The following SLC9B1 variants were observed in gnomAD, a reference collection of about 807,000 sequenced individuals.
SLC9B1 encodes sodium/hydrogen exchanger 9B1.
A neutral mutation model predicts 51.7 loss-of-function variants in SLC9B1; 32 were observed. The ratio of observed to expected loss-of-function variants is 0.62; its 90% CI spans 0.47 to 0.83. SLC9B1 has a LOEUF of 0.83. SLC9B1 is among the 40% of genes least tolerant of loss of function. The probability of loss-of-function intolerance (pLI) is 0.00; values close to 1 mark genes in which losing one functional copy is unlikely to be tolerated. For missense variants in SLC9B1, 406 were observed against 613.2 expected (o/e 0.66, Z 3.57); for synonymous variants, 145 against 212.7 (o/e 0.68, Z 2.77).
At chr4:102,913,853 A>ACAG (rs1735464195) in intron 7 of SLC9B1, among the ~76,000 whole-genome samples, 1 of 151,634 alleles carries the variant, frequency 6.6e-6, no homozygotes, top group African/African-American at 2.4e-5. Flanking sequence ...AAGGAATACA[A>ACAG]CAGCTCAATT....
At chr4:102,983,877 CT>C (rs1412447782) in intron 3 of SLC9B1, among the ~76,000 whole-genome samples, 2 of 151,710 alleles carry the variant, frequency 1.3e-5, no homozygotes, top group African/African-American at 2.4e-5. Context: ...TTTAATTGTA[CT>C]GATATCTACT....
intron 3 of SLC9B1, among the ~76,000 whole-genome samples, chr4:102,982,056 CGAGGTAA>C (rs1253070058): frequency 6.6e-6 from 1 of 150,958 alleles, no homozygotes; most frequent in Non-Finnish European, 1.5e-5. Flanking sequence ...TGATATGTTT[CGAGGTAA>C]TTTTGTGGAA....
At chr4:102,906,717 C>T (rs1735075049) in intron 9 of SLC9B1, 73 bp from the exon 10 acceptor site, 1 of 921,506 alleles carries the variant, frequency 1.1e-6, no homozygotes, top group Admixed American at 2.6e-5. Flanking sequence ...AGTCTTCCCC[C>T]CCCTTTTTTT....
chr4:102,986,277 A>G (rs1739620443), intron 3 of SLC9B1, among the ~76,000 whole-genome samples: 1 of 149,764 alleles, frequency 6.7e-6, no homozygotes, highest in Admixed American at 6.6e-5. Context: ...TCTCTCTCTC[A>G]ACATTTTAAA....
intron 3 of SLC9B1, among the ~76,000 whole-genome samples, chr4:102,957,053 C>T (rs907466851): frequency 3.9e-5 from 6 of 152,036 alleles, no homozygotes; most frequent in Non-Finnish European, 2.9e-5. Context: ...TAGCGAGGTT[C>T]AGTAGCATAT....
At chr4:102,997,406 T>C (rs550638710) in intron 1 of SLC9B1, among the ~76,000 whole-genome samples, 2 of 152,314 alleles carry the variant, frequency 1.3e-5, no homozygotes, top group Admixed American at 6.5e-5. Flanking sequence ...ATTAGGCTTA[T>C]TTTTAGGTAT....
At chr4:102,911,131 A>C (rs764910829) in intron 8 of SLC9B1, among the ~76,000 whole-genome samples, 22 of 152,184 alleles carry the variant, frequency 1.4e-4, no homozygotes, top group Non-Finnish European at 2.6e-4. Context: ...ATTTGGGGGA[A>C]ATTATCAAAC....
chr4:102,983,461 T>C (rs1739460254), intron 3 of SLC9B1, among the ~76,000 whole-genome samples: 1 of 152,166 alleles, frequency 6.6e-6, no homozygotes, highest in African/African-American at 2.4e-5. Context: ...CTGAGAAAAT[T>C]GTATAATTTC....
At chr4:102,959,873 T>C (rs535660774) in intron 3 of SLC9B1, among the ~76,000 whole-genome samples, 3 of 152,236 alleles carry the variant, frequency 2.0e-5, no homozygotes, top group African/African-American at 7.2e-5. Flanking sequence ...ACAAAAACAA[T>C]TGGGTATTAA....
intron 7 of SLC9B1, among the ~76,000 whole-genome samples, chr4:102,912,686 G>A (rs1735394823): frequency 6.6e-6 from 1 of 152,106 alleles, no homozygotes; most frequent in African/African-American, 2.4e-5. Context: ...TTTGAGACCA[G>A]CTTGGGCAAC....
At chr4:102,960,924 G>T (rs1203710944) in intron 3 of SLC9B1, among the ~76,000 whole-genome samples, 1 of 151,656 alleles carries the variant, frequency 6.6e-6, no homozygotes, top group East Asian at 1.9e-4. Flanking sequence ...TAGAGACAGG[G>T]TTTCTCCATG....
At chr4:102,923,310 A>G (rs1164382542) in intron 7 of SLC9B1, among the ~76,000 whole-genome samples, 1 of 152,176 alleles carries the variant, frequency 6.6e-6, no homozygotes, top group Admixed American at 6.5e-5. Context: ...AAAGACAAAA[A>G]CCACATGATT....
At chr4:102,916,732 A>C (rs1735595159) in intron 7 of SLC9B1, among the ~76,000 whole-genome samples, 1 of 152,282 alleles carries the variant, frequency 6.6e-6, no homozygotes. Flanking sequence ...CATACCAAGT[A>C]TCTTTTCTGA....
intron 3 of SLC9B1, among the ~76,000 whole-genome samples, chr4:102,972,273 A>T (rs566576531): frequency 1.3e-5 from 2 of 152,342 alleles, no homozygotes; most frequent in African/African-American, 2.4e-5. Flanking sequence ...CCAGCAGCAC[A>T]TCAAAGAGCT....
chr4:102,906,434 G>T, intron 10 of SLC9B1, 102 bp downstream of exon 10: 4 of 609,248 alleles, frequency 6.6e-6, no homozygotes, highest in Non-Finnish European at 1.1e-5. Context: ...TTCTGAAGAA[G>T]GTCGTTGTAG....
At chr4:102,970,565 A>G (rs563779248) in intron 3 of SLC9B1, among the ~76,000 whole-genome samples, 1 of 152,350 alleles carries the variant, frequency 6.6e-6, no homozygotes, top group South Asian at 2.1e-4. Context: ...GATCCTAGGA[A>G]GAAACTGCAT....
At chr4:102,979,443 G>C (rs1373434101) in intron 3 of SLC9B1, among the ~76,000 whole-genome samples, 1 of 152,146 alleles carries the variant, frequency 6.6e-6, no homozygotes, top group Non-Finnish European at 1.5e-5. Flanking sequence ...CCAGCCTCTA[G>C]TGAACTCCAG....
chr4:102,934,664 G>T (rs894241058), intron 6 of SLC9B1, among the ~76,000 whole-genome samples: 16 of 151,328 alleles, frequency 1.1e-4, no homozygotes, highest in African/African-American at 3.9e-4. Context: ...TACTTGGAAG[G>T]TTGAGGCAGG....
chr4:102,895,152 A>G (rs1470437815), intron 11 of SLC9B1, among the ~76,000 whole-genome samples: 1 of 152,186 alleles, frequency 6.6e-6, no homozygotes, highest in Non-Finnish European at 1.5e-5. Context: ...GAATTGATCA[A>G]TTAAGAAAAA....
Sources: gnomAD v4.1 joint callset for allele counts (sites outside exome capture counted in the v4.1 genomes callset) on GRCh38, gnomAD v4.1.1 for gene constraint, MANE v1.5 for transcripts, NCBI Gene and HGNC (gene_info 2026-07-23, HGNC 2026-07-21) for gene names.